C2CD5: variants seen among roughly 807,000 people sequenced by gnomAD.
The protein encoded by C2CD5 is C2 domain-containing protein 5.
A neutral mutation model predicts 130.3 loss-of-function variants in C2CD5; 109 were observed. The ratio of observed to expected loss-of-function variants is 0.84; its 90% CI spans 0.72 to 0.98. The LOEUF is 0.98. Among genes scored for constraint, C2CD5 ranks in the 50% least tolerant of loss-of-function variants. The pLI is 0.00. For missense variants in C2CD5, 996 were observed against 1,261.8 expected (o/e 0.79, Z 3.19); for synonymous variants, 454 against 429.2 (o/e 1.06, Z -0.71).
chr12:22,543,732 G>T (rs1952645730), intron 2 of C2CD5, among the ~76,000 whole-genome samples: 1 of 152,144 alleles, frequency 6.6e-6, no homozygotes, highest in Non-Finnish European at 1.5e-5. Flanking sequence ...GTGTATGTGT[G>T]TGAGTGTGTC....
intron 8 of C2CD5, among the ~76,000 whole-genome samples, chr12:22,516,407 G>T (rs554491347): frequency 7.1e-4 from 108 of 151,588 alleles, no homozygotes; most frequent in African/African-American, 2.1e-3. Flanking sequence ...TTATTTAGAG[G>T]TAGCTTATAA....
At chr12:22,533,519 G>T (rs970511916) in intron 3 of C2CD5, among the ~76,000 whole-genome samples, 2 of 152,170 alleles carry the variant, frequency 1.3e-5, no homozygotes, top group African/African-American at 4.8e-5. Flanking sequence ...AAAATAAACA[G>T]ATGTAGAGAG....
At position 22,482,640 on chromosome 12, in the gene C2CD5, T is replaced by G; in HGVS notation, c.1654A>C (p.Lys552Gln). 6.2e-7 allele frequency: 1 copy of G among 1,613,350 alleles called. No homozygotes were observed. The highest frequency in any genetic ancestry group is 8.5e-7 in the Non-Finnish European group (1 of 1,179,360). Reference sequence around the variant, plus strand: ...GCATTCATTCCTTTGAGTTTTAGTTTATTCATTAGCTGAGTATGCACTTCA... The same window carrying G: ...GCATTCATTCCTTTGAGTTTTAGTTGATTCATTAGCTGAGTATGCACTTCA... ...EYEVHTQLMN[K>Q]LKLKGMNALF... is the part of the protein sequence containing the mutation. The change falls in exon 14 of 27, where the codon AAA becomes CAA. Residue 552 changes from lysine (K) to glutamine (Q), a missense_variant. Physicochemically the swap from Lys to Gln is moderately conservative, Grantham distance 53 (BLOSUM62 1). Around this residue, in one of 9 missense-constraint regions of C2CD5, gnomAD observed 590 missense variants for 631.4 expected, o/e 0.93. Coordinates refer to ENST00000446597, the MANE Select transcript of C2CD5 (RefSeq NM_001286176.2).
intron 8 of C2CD5, among the ~76,000 whole-genome samples, chr12:22,515,391 T>A (rs1232572275): frequency 1.3e-5 from 2 of 152,174 alleles, no homozygotes; most frequent in Non-Finnish European, 2.9e-5. Context: ...TAAAATTTTT[T>A]AAATCACTAA....
chr12:22,473,226 T>A (rs1339297375), intron 16 of C2CD5, among the ~76,000 whole-genome samples: 4 of 152,296 alleles, frequency 2.6e-5, no homozygotes, highest in East Asian at 1.9e-4. Context: ...TCTATTTTTT[T>A]AATAAAATAA....
chr12:22,501,980 G>A (rs1468554900), intron 10 of C2CD5, among the ~76,000 whole-genome samples: 1 of 151,856 alleles, frequency 6.6e-6, no homozygotes, highest in Non-Finnish European at 1.5e-5. Context: ...GAATCAAAAT[G>A]GTTGTATTAT....
chr12:22,523,731 G>T (rs2137033699), intron 6 of C2CD5, 107 bp from the exon 7 acceptor site: 6 of 810,776 alleles, frequency 7.4e-6, no homozygotes, highest in Non-Finnish European at 1.2e-5. Context: ...GAAAATCACA[G>T]ATTTTCAGAA....
intron 22 of C2CD5, among the ~76,000 whole-genome samples, chr12:22,462,831 A>C (rs951955849): frequency 6.6e-5 from 10 of 152,168 alleles, no homozygotes; most frequent in African/African-American, 2.4e-4. Context: ...TCACACCTGT[A>C]ATCTCAGCAC....
At chr12:22,540,025 T>C (rs1365087651) in intron 2 of C2CD5, among the ~76,000 whole-genome samples, 2 of 150,252 alleles carry the variant, frequency 1.3e-5, no homozygotes, top group African/African-American at 2.4e-5. Context: ...AAAAAAACCC[T>C]ACCTAGAACC....
chr12:22,470,733 A>G, intron 21 of C2CD5, 91 bp downstream of exon 21: 3 of 731,000 alleles, frequency 4.1e-6, no homozygotes, highest in Admixed American at 5.3e-5. Context: ...AGAAATAAGT[A>G]ATTTATTGAA....
rs551530202 is a variant in C2CD5 at position 22,518,030 on chromosome 12, T to A, written c.908A>T (p.Gln303Leu). 9.9e-6 allele frequency: 16 copies of A among 1,614,032 alleles called. No individual in the cohort carries two copies. The highest frequency in any genetic ancestry group is 1.7e-5 in the Admixed American group (1 of 60,004). ...SFSPSKSYSR[Q>L]SSSSDTDLSL... ...CAAATCTGTGTCAGAAGAAGAGGAC[T>A]GTCGACTGTAGGACTTGGAAGGTGA... Residue 303 changes from glutamine to leucine, a missense_variant, in exon 8 of 27, where the codon CAG (glutamine) becomes CTG (leucine). Physicochemically the swap from Gln to Leu is moderately radical, Grantham distance 113. Coordinates refer to ENST00000446597, the MANE Select transcript of C2CD5 (RefSeq NM_001286176.2).
At position 22,471,958 on chromosome 12, in the gene C2CD5, G is replaced by A. The variant is rs1244822575; in HGVS notation, c.2268+9C>T. 2.0e-5 allele frequency: 29 copies of A among 1,481,874 alleles called. No homozygotes were observed. Among genetic ancestry groups the A allele is most frequent in the Non-Finnish European group, 2.6e-5 (28 of 1,060,450 alleles). The allele number at this position is 1,481,874 out of a possible 1,614,324, so 91.8% of individuals were successfully genotyped here. On this transcript the variant is annotated intron_variant, in intron 19 of 26. Transcript: ENST00000446597. ...CGCATGAAATAAAATTTAGTCAGAAGGTTCCTACCTTGAGCAAATTTTCAC... is the reference window on the plus strand; with the variant it reads ...CGCATGAAATAAAATTTAGTCAGAAAGTTCCTACCTTGAGCAAATTTTCAC...
intron 26 of C2CD5, 92 bp downstream of exon 26, chr12:22,453,804 G>C (rs12424580): frequency 0.71 from 806,514 of 1,128,242 alleles, 308,496 homozygotes; most frequent in Non-Finnish European, 0.8. Context: ...GGGCTCTAAA[G>C]AGCAATTCTC....
chr12:22,457,094 A>G lies in C2CD5; in HGVS notation c.2754T>C (p.Cys918=). ...GNFRNRSAPP[C]ANSTVGVVKM... Reference sequence around the variant, plus strand: ...TAACAACCCCAACTGTGGAATTTGCACAAGGTGGAGCAGAACGATTCCGGA... The same window carrying G: ...TAACAACCCCAACTGTGGAATTTGCGCAAGGTGGAGCAGAACGATTCCGGA... Residue 918 remains cysteine (C), a synonymous_variant, in exon 25 of 27, where the codon TGT becomes TGC. Coordinates refer to ENST00000446597, the MANE Select transcript of C2CD5 (RefSeq NM_001286176.2). 1 of 1,613,350 alleles carries G rather than the reference A, an allele frequency of 6.2e-7. No individual in the cohort carries two copies. The highest frequency in any genetic ancestry group is 8.5e-7 in the Non-Finnish European group (1 of 1,179,604).
chr12:22,484,198 A>C (rs996309671), intron 13 of C2CD5: 1 of 152,384 alleles, frequency 6.6e-6, no homozygotes, highest in African/African-American at 2.4e-5. Flanking sequence ...TGTCAGAACT[A>C]AGATGAGGAC....
chr12:22,520,543 TTGG>T (rs1950180143), intron 7 of C2CD5, among the ~76,000 whole-genome samples: 1 of 152,172 alleles, frequency 6.6e-6, no homozygotes. Flanking sequence ...AAACAATTCA[TTGG>T]TGATCTACTT....
intron 15 of C2CD5, among the ~76,000 whole-genome samples, chr12:22,477,515 TA>T (rs1479052415): frequency 9.9e-5 from 15 of 152,214 alleles, no homozygotes; most frequent in African/African-American, 3.4e-4. Flanking sequence ...TTTCTTTTTT[TA>T]TTTTTTTAAT....
At chr12:22,482,204 C>A (rs891475205) in intron 14 of C2CD5, among the ~76,000 whole-genome samples, 5 of 152,162 alleles carry the variant, frequency 3.3e-5, no homozygotes, top group African/African-American at 1.2e-4. Flanking sequence ...CTACAATGCA[C>A]AACTCAGTTC....
chr12:22,539,748 C>T (rs917024816), intron 2 of C2CD5, among the ~76,000 whole-genome samples: 1 of 152,156 alleles, frequency 6.6e-6, no homozygotes, highest in African/African-American at 2.4e-5. Flanking sequence ...AATCCCCGCA[C>T]TTTGGGAGGC....
Sources: allele counts gnomAD v4.1 joint callset (sites outside exome capture counted in the v4.1 genomes callset), GRCh38; gene constraint gnomAD v4.1.1; regional missense constraint gnomAD v4.1.1; transcripts MANE v1.5; gene names NCBI Gene and HGNC (gene_info 2026-07-23, HGNC 2026-07-21).